COL9A3: variants seen among roughly 807,000 people sequenced by gnomAD.
COL9A3 encodes the protein collagen type IX alpha 3 chain, also known as collagen alpha-3(IX) chain.
A neutral mutation model predicts 110.2 loss-of-function variants in COL9A3; 82 were observed. The ratio of observed to expected loss-of-function variants is 0.74; its 90% CI spans 0.62 to 0.89. COL9A3 has a LOEUF of 0.89. COL9A3 is among the 40% of genes least tolerant of loss of function. The pLI, the probability that COL9A3 is intolerant of heterozygous loss-of-function variation, is 0.00. For synonymous variants in COL9A3, 494 were observed against 403.8 expected (o/e 1.22, Z -2.68); for missense variants, 1,066 against 981.3 (o/e 1.09, Z -1.15).
chr20:62,828,975 C>G lies in COL9A3; in HGVS notation c.1007C>G (p.Pro336Arg). ...APGEKGPNGL[P>R]GLPGRAGSKG... ...GGAGAGAAGGGCCCCAACGGGCTGC[C>G]GGTGAGTGCCCGGCGGGTGGGGCCA... is the stretch of plus-strand genomic sequence containing the variant. Residue 336 changes from proline to arginine, a missense_variant and splice_region_variant, in exon 19 of 32, where the codon CCG (proline) becomes CGG (arginine). By Grantham distance (103) the Pro-to-Arg change is moderately radical. Coordinates refer to ENST00000649368, the MANE Select transcript of COL9A3 (RefSeq NM_001853.4). The G allele has an allele frequency of 2.5e-6, 4 of 1,604,748 alleles. No homozygotes were observed. Among genetic ancestry groups the G allele is most frequent in the Non-Finnish European group, 3.4e-6 (4 of 1,177,426 alleles).
chr20:62,838,829 G>A (rs981249096), intron 31 of COL9A3, 68 bp downstream of exon 31: 16 of 1,286,960 alleles, frequency 1.2e-5, no homozygotes, highest in Admixed American at 3.9e-5. Context: ...GCTTTATGTG[G>A]GGCGTGCTTG....
chr20:62,828,906 A>G lies in COL9A3; in HGVS notation c.955-17A>G, dbSNP rs948485872. On this transcript the variant is annotated splice_polypyrimidine_tract_variant and intron_variant, in intron 18 of 31. Coordinates refer to ENST00000649368, the MANE Select transcript of COL9A3 (RefSeq NM_001853.4). ...GCCTCAGCCTCCCCTTCCGCACCCC[A>G]ATCTCTGTCCTCACAGGGAGAGGCT... 1 of 1,612,374 alleles carries G rather than the reference A, an allele frequency of 6.2e-7. No homozygotes were observed. The highest frequency in any genetic ancestry group is 1.3e-5 in the African/African-American group (1 of 74,942).
intron 16 of COL9A3, 55 bp from the exon 17 acceptor site, chr20:62,827,868 G>A (rs941703399): frequency 6.9e-6 from 11 of 1,586,298 alleles, no homozygotes; most frequent in East Asian, 6.7e-5. Context: ...CGGAGAATGC[G>A]TGAGGCCGTC....
chr20:62,821,221 G>A lies in COL9A3; in HGVS notation c.345+5G>A, dbSNP rs1373612848. ...CCGGGGCCGCCCGGGCTGGGGGTGA[G>A]TATGGAGTGTGGTCCTCTCCTCTCC... On this transcript the variant is annotated splice_donor_5th_base_variant and intron_variant, in intron 6 of 31. Transcript: ENST00000649368. 6.2e-7 allele frequency: 1 copy of A among 1,613,122 alleles called. No individual in the cohort carries two copies. Among genetic ancestry groups the A allele is most frequent in the Non-Finnish European group, 8.5e-7 (1 of 1,179,634 alleles).
At chr20:62,817,885 TC>T in intron 2 of COL9A3, 1 of 634,720 alleles carries the variant, frequency 1.6e-6, no homozygotes, top group Middle Eastern at 2.5e-4. Context: ...TGTCTCTGGG[TC>T]CCCTGAGGGG....
chr20:62,829,900 G>A, intron 22 of COL9A3, 81 bp downstream of exon 22: 1 of 1,501,998 alleles, frequency 6.7e-7, no homozygotes, highest in Non-Finnish European at 8.9e-7. Context: ...GCAGGCCGGG[G>A]TGGCATTTGG....
chr20:62,832,800 G>T, intron 25 of COL9A3: 1 of 495,306 alleles, frequency 2.0e-6, no homozygotes, highest in East Asian at 3.2e-5. Flanking sequence ...GCCTCATTAT[G>T]CAAACAAATG....
In COL9A3 at chr20:62,836,547, T is replaced by G. The variant is rs1197784835; in HGVS notation, c.1603+15T>G. Reference sequence around the variant, plus strand: ...GATGATCAGCGGTAAGTCAGCCACGTGCACCGGCTGCAGCGGGGCCCATCC... The same window carrying G: ...GATGATCAGCGGTAAGTCAGCCACGGGCACCGGCTGCAGCGGGGCCCATCC... On this transcript the variant is annotated intron_variant, in intron 29 of 31. Coordinates refer to ENST00000649368, the MANE Select transcript of COL9A3 (RefSeq NM_001853.4). 1 of 1,598,178 alleles carries G rather than the reference T, an allele frequency of 6.3e-7. No homozygotes were observed. The highest frequency in any genetic ancestry group is 8.5e-7 in the Non-Finnish European group (1 of 1,172,042).
At chr20:62,831,818 G>A (rs1171102032) in intron 24 of COL9A3, 4 of 410,872 alleles carry the variant, frequency 9.7e-6, no homozygotes, top group Non-Finnish European at 1.8e-5. Context: ...CCGGGGGAAG[G>A]TGATTAGATG....
intron 29 of COL9A3, 59 bp from the exon 30 acceptor site, chr20:62,837,024 T>C (rs2063641756): frequency 1.9e-6 from 3 of 1,593,332 alleles, no homozygotes; most frequent in South Asian, 1.1e-5. Context: ...ATGCTTTACG[T>C]AACAATACTT....
intron 30 of COL9A3, among the ~76,000 whole-genome samples, chr20:62,838,223 C>T (rs150275902): frequency 0.023 from 3,570 of 152,326 alleles, 64 homozygotes; most frequent in South Asian, 0.041. Flanking sequence ...TGCCACTGGG[C>T]GGTTTCACTG....
chr20:62,834,499 A>T (rs551323134), intron 26 of COL9A3, among the ~76,000 whole-genome samples: 16 of 152,300 alleles, frequency 1.1e-4, no homozygotes, highest in African/African-American at 3.6e-4. Flanking sequence ...TTCATCTATG[A>T]TTAAGTCTTT....
At chr20:62,834,607 A>C (rs1397326143) in intron 26 of COL9A3, among the ~76,000 whole-genome samples, 1 of 152,178 alleles carries the variant, frequency 6.6e-6, no homozygotes, top group African/African-American at 2.4e-5. Flanking sequence ...GCCTGGGGAC[A>C]AAAGACCTCA....
intron 15 of COL9A3, 74 bp downstream of exon 15, chr20:62,826,894 C>T (rs1461484052): frequency 1.3e-6 from 2 of 1,527,920 alleles, no homozygotes; most frequent in African/African-American, 1.4e-5. Flanking sequence ...CTCTCAGACG[C>T]CCCCAGCCCC....
intron 10 of COL9A3, 135 bp from the exon 11 acceptor site, chr20:62,824,310 C>G (rs1351116933): frequency 4.6e-6 from 4 of 874,606 alleles, no homozygotes; most frequent in Non-Finnish European, 7.4e-6. Context: ...GGGGTCCTGT[C>G]ACCATGAGGA....
intron 14 of COL9A3, 43 bp downstream of exon 14, chr20:62,826,300 G>A: frequency 6.6e-7 from 1 of 1,525,402 alleles, no homozygotes. Flanking sequence ...AGGTGGCTGG[G>A]GGCCTGGTTG....
intron 26 of COL9A3, among the ~76,000 whole-genome samples, chr20:62,835,645 G>A (rs375014933): frequency 3.9e-5 from 6 of 152,302 alleles, no homozygotes; most frequent in African/African-American, 1.4e-4. Flanking sequence ...TAAGAAAAAG[G>A]AATGGAAGCA....
intron 26 of COL9A3, among the ~76,000 whole-genome samples, chr20:62,835,079 G>A (rs1488343285): frequency 6.6e-6 from 1 of 152,234 alleles, no homozygotes; most frequent in Non-Finnish European, 1.5e-5. Context: ...TCAGCTACTC[G>A]CACGGTCGGG....
Position 62,829,837 on chromosome 20 carries a change from G to GC in COL9A3, c.1161+21dup, listed in dbSNP as rs1568758307. The GC allele has an allele frequency of 6.4e-7, 1 of 1,553,146 alleles. No individual in the cohort carries two copies. Among genetic ancestry groups the GC allele is most frequent in the Admixed American group, 1.9e-5 (1 of 51,768 alleles). ...GCTCAGCGGTGAGTGCAGGGACATG[G>GC]CCCGGGGTCGGGGGTTAGCACTGAG... On this transcript the variant is annotated intron_variant, in intron 22 of 31. Transcript: ENST00000649368.
Sources: allele counts gnomAD v4.1 joint callset (sites outside exome capture counted in the v4.1 genomes callset), GRCh38; gene constraint gnomAD v4.1.1; transcripts MANE v1.5; gene names NCBI Gene and HGNC (gene_info 2026-07-23, HGNC 2026-07-21).